MAPK14: variants seen among roughly 807,000 people sequenced by gnomAD.
The protein encoded by MAPK14 is CSAID-binding protein.
In MAPK14, 16 loss-of-function variants were observed where a neutral mutation model predicts 49.6. The ratio of observed to expected loss-of-function variants is 0.32; its 90% CI spans 0.22 to 0.49. The LOEUF (loss-of-function observed/expected upper bound fraction) is 0.49. Among genes scored for constraint, MAPK14 ranks in the 20% least tolerant of loss-of-function variants. MAPK14 has a pLI of 0.99. For missense variants in MAPK14, 200 were observed against 441.2 expected (o/e 0.45, Z 4.90); for synonymous variants, 142 against 158.0 (o/e 0.90, Z 0.76).
At chr6:36,038,668 A>G (rs946730025) in intron 1 of MAPK14, among the ~76,000 whole-genome samples, 1 of 152,202 alleles carries the variant, frequency 6.6e-6, no homozygotes, top group Non-Finnish European at 1.5e-5. Flanking sequence ...CACAACTCTC[A>G]TTCCAGCAGT....
chr6:36,088,474 G>A (rs1765079437), intron 8 of MAPK14, among the ~76,000 whole-genome samples: 2 of 152,168 alleles, frequency 1.3e-5, no homozygotes, highest in African/African-American at 4.8e-5. Flanking sequence ...TGTAATCCCA[G>A]CACTTTGGGA....
At chr6:36,106,302 C>T (rs1420133607) in intron 10 of MAPK14, among the ~76,000 whole-genome samples, 3 of 152,060 alleles carry the variant, frequency 2.0e-5, no homozygotes, top group Admixed American at 6.6e-5. Flanking sequence ...AGACACATCC[C>T]GAGAAACGGT....
At chr6:36,082,088 G>A (rs1764788580) in intron 8 of MAPK14, among the ~76,000 whole-genome samples, 1 of 152,064 alleles carries the variant, frequency 6.6e-6, no homozygotes, top group Admixed American at 6.5e-5. Context: ...CTGCAAATTT[G>A]CTCAATTTAT....
downstream of MAPK14, among the ~76,000 whole-genome samples, chr6:36,115,647 G>T (rs1288493224): frequency 6.6e-6 from 1 of 152,142 alleles, no homozygotes. Flanking sequence ...GTTAACTGGG[G>T]CGGGGCGCAG....
the MAPK14 span, among the ~76,000 whole-genome samples, chr6:36,123,386 G>T: frequency 6.6e-6 from 1 of 152,168 alleles, no homozygotes; most frequent in South Asian, 2.1e-4. Context: ...CAGGGAGCAA[G>T]GGAAGAACAG....
chr6:36,114,139 C>A (rs1271545517), downstream of MAPK14, among the ~76,000 whole-genome samples: 2 of 152,226 alleles, frequency 1.3e-5, no homozygotes, highest in African/African-American at 4.8e-5. Context: ...CTCATGCTCC[C>A]TTCCCCCAGT....
At chr6:36,095,489 T>A (rs1031950230) in intron 8 of MAPK14, among the ~76,000 whole-genome samples, 2 of 152,138 alleles carry the variant, frequency 1.3e-5, no homozygotes, top group African/African-American at 4.8e-5. Context: ...ACAAGCTCTT[T>A]AGGTCACGCT....
chr6:36,075,736 G>C (rs149576956), intron 6 of MAPK14, 112 bp from the exon 7 acceptor site: 104 of 1,410,524 alleles, frequency 7.4e-5, no homozygotes, highest in Middle Eastern at 1.7e-4. Context: ...GTGCTATTTT[G>C]TTCTCCTTTT....
chr6:36,068,070 G>A (rs964483715), intron 3 of MAPK14, among the ~76,000 whole-genome samples: 3 of 152,088 alleles, frequency 2.0e-5, no homozygotes, highest in South Asian at 2.1e-4. Context: ...GTACAAGGGT[G>A]GGGGGAAGAT....
chr6:36,122,288 A>G, the MAPK14 span, among the ~76,000 whole-genome samples: 1 of 152,234 alleles, frequency 6.6e-6, no homozygotes, highest in Non-Finnish European at 1.5e-5. Flanking sequence ...TCCAGGGTGC[A>G]CAGCTTCTCC....
chr6:36,073,151 AAC>A, intron 4 of MAPK14, 167 bp downstream of exon 4: 2 of 618,866 alleles, frequency 3.2e-6, no homozygotes, highest in Middle Eastern at 4.4e-4. Context: ...ACTCAGTGAC[AAC>A]AGTTACCGAC....
In MAPK14 at chr6:36,036,769, C is replaced by G. The variant is rs145702057; in HGVS notation, c.116+8496C>G. ...TTTATTTATTTTTTCTAGATGGAGTCTCGCTCTGTTGCCCAGCCTGGAGTG... is the reference window on the plus strand; with the variant it reads ...TTTATTTATTTTTTCTAGATGGAGTGTCGCTCTGTTGCCCAGCCTGGAGTG... On this transcript the variant is annotated intron_variant, in intron 1 of 11. Coordinates refer to ENST00000229794, the MANE Select transcript of MAPK14 (RefSeq NM_139012.3). Among the ~76,000 whole-genome samples, 76 of 152,142 alleles carry G rather than the reference C, an allele frequency of 5.0e-4. No homozygotes were observed. The East Asian group carries it at 0.014, about 28-fold the overall frequency.
At chr6:36,073,595 G>A in intron 4 of MAPK14, 96 bp from the exon 5 acceptor site, 2 of 879,226 alleles carry the variant, frequency 2.3e-6, no homozygotes, top group South Asian at 3.0e-5. Flanking sequence ...ATTAACACTA[G>A]CAGTTCTTAC....
At chr6:36,096,237 G>A (rs1308711180) in intron 9 of MAPK14, 171 bp downstream of exon 9, 4 of 549,556 alleles carry the variant, frequency 7.3e-6, no homozygotes, top group African/African-American at 3.8e-5. Context: ...GTGCACGCAT[G>A]TGTGCCTGCT....
chr6:36,043,992 T>C (rs1763073407), intron 1 of MAPK14, among the ~76,000 whole-genome samples: 1 of 151,880 alleles, frequency 6.6e-6, no homozygotes, highest in African/African-American at 2.4e-5. Context: ...GTATTTTTAG[T>C]AGAGACGGGA....
At chr6:36,118,625 C>A in the MAPK14 span, among the ~76,000 whole-genome samples, 7 of 152,354 alleles carry the variant, frequency 4.6e-5, no homozygotes, top group East Asian at 1.3e-3. Context: ...GGTGTGAGGT[C>A]ACCATCCGCT....
At chr6:36,092,491 T>C (rs1272333803) in intron 8 of MAPK14, 3 of 584,480 alleles carry the variant, frequency 5.1e-6, no homozygotes, top group Non-Finnish European at 9.7e-6. Flanking sequence ...TGTTCTTTCC[T>C]GGTTGTATGT....
chr6:36,091,307 G>A (rs545948811), intron 8 of MAPK14, among the ~76,000 whole-genome samples: 20 of 151,428 alleles, frequency 1.3e-4, no homozygotes, highest in South Asian at 1.0e-3. Flanking sequence ...AGATGACTTC[G>A]TCTAAAGAGT....
intron 1 of MAPK14, among the ~76,000 whole-genome samples, chr6:36,029,564 G>GT (rs989334330): frequency 1.3e-5 from 2 of 152,022 alleles, no homozygotes; most frequent in African/African-American, 4.8e-5. Flanking sequence ...CTGTAAAATC[G>GT]TTTTTTTGTT....
Sources: allele counts gnomAD v4.1 joint callset (sites outside exome capture counted in the v4.1 genomes callset), GRCh38; gene constraint gnomAD v4.1.1; transcripts MANE v1.5; gene names NCBI Gene and HGNC (gene_info 2026-07-23, HGNC 2026-07-21).